The following SYN2 variants were observed in gnomAD, a reference collection of about 807,000 sequenced individuals.
The protein encoded by SYN2 is synapsin II, also known as synapsin-2.
A neutral mutation model predicts 50.9 loss-of-function variants in SYN2; 19 were observed. The observed-to-expected ratio is 0.37, with a 90% CI of 0.26 to 0.55. SYN2 has a LOEUF of 0.55. Among genes scored for constraint, SYN2 ranks in the 20% least tolerant of loss-of-function variants. SYN2 has a pLI of 0.81. For synonymous variants in SYN2, 255 were observed against 224.9 expected (o/e 1.13, Z -1.20); for missense variants, 587 against 576.4 (o/e 1.02, Z -0.19).
intron 1 of SYN2, among the ~76,000 whole-genome samples, chr3:12,137,723 T>G (rs1696925766): frequency 6.6e-6 from 1 of 152,222 alleles, no homozygotes; most frequent in Non-Finnish European, 1.5e-5. Flanking sequence ...AAAAAATTTA[T>G]GTAGCATGCC....
chr3:12,055,953 G>C (rs1193136588), intron 1 of SYN2, among the ~76,000 whole-genome samples: 1 of 152,214 alleles, frequency 6.6e-6, no homozygotes, highest in Non-Finnish European at 1.5e-5. Context: ...GTCTGATCAA[G>C]CCTCTGCGTC....
At chr3:12,184,341 C>T (rs1392023257) in intron 11 of SYN2, 2 of 985,700 alleles carry the variant, frequency 2.0e-6, no homozygotes, top group Non-Finnish European at 2.4e-6. Context: ...CTTGTGTGGA[C>T]CTGAGGCTGC....
intron 1 of SYN2, among the ~76,000 whole-genome samples, chr3:12,010,467 T>G (rs1693892518): frequency 6.6e-6 from 1 of 152,224 alleles, no homozygotes. Flanking sequence ...ATTTTAATAT[T>G]GTATGGTAAT....
At chr3:12,183,969 T>G (rs1008337807) in intron 11 of SYN2, 1 of 986,476 alleles carries the variant, frequency 1.0e-6, no homozygotes, top group African/African-American at 1.7e-5. Flanking sequence ...GATAGAACAT[T>G]AAGAGATTTT....
At chr3:12,118,080 G>T (rs1284536000) in intron 1 of SYN2, among the ~76,000 whole-genome samples, 1 of 152,216 alleles carries the variant, frequency 6.6e-6, no homozygotes, top group Non-Finnish European at 1.5e-5. Context: ...AACAGAAACA[G>T]CAGTGACCCT....
chr3:12,068,572 A>G (rs1695271666), intron 1 of SYN2, among the ~76,000 whole-genome samples: 2 of 152,074 alleles, frequency 1.3e-5, no homozygotes, highest in Admixed American at 1.3e-4. Context: ...TTCATTGTTG[A>G]TTTCCAATCC....
At chr3:12,073,265 T>C (rs1695400925) in intron 1 of SYN2, among the ~76,000 whole-genome samples, 2 of 152,220 alleles carry the variant, frequency 1.3e-5, no homozygotes, top group Middle Eastern at 3.2e-3. Context: ...TCTGGTTTCC[T>C]GTATGGATTA....
rs184358472 is a variant in SYN2 at position 12,141,922 on chromosome 3, C to T, written c.453C>T (p.Leu151=). 15 of 780,808 alleles carry T rather than the reference C, an allele frequency of 1.9e-5. No homozygotes were observed. The highest frequency in any genetic ancestry group is 1.2e-4 in the Admixed American group (7 of 59,036). The allele number at this position is 780,808 out of a possible 1,614,324, so 48.4% of individuals were successfully genotyped here. The change falls in exon 3 of 13, where the codon CTC becomes CTT. Residue 151 remains leucine, a synonymous_variant. Coordinates refer to ENST00000621198, the MANE Select transcript of SYN2 (RefSeq NM_133625.6). ...TTTTCCAGGCAGAATTTTCAGAGCT[C>T]AACCTGGTGGCCCATGCAGATGGCA... ...IKVEQAEFSE[L]NLVAHADGTY...
chr3:12,130,720 G>A (rs775228427), intron 1 of SYN2, among the ~76,000 whole-genome samples: 25 of 152,202 alleles, frequency 1.6e-4, no homozygotes, highest in Non-Finnish European at 2.2e-4. Flanking sequence ...GTGAGTGTGA[G>A]GTTGAGTTGT....
chr3:12,039,536 CAA>C (rs1694566456), intron 1 of SYN2, among the ~76,000 whole-genome samples: 1 of 127,004 alleles, frequency 7.9e-6, no homozygotes, highest in African/African-American at 3.0e-5. Context: ...GATGAGAAAA[CAA>C]AGAAGCAAAG....
At chr3:12,036,371 CAT>C (rs1694498501) in intron 1 of SYN2, among the ~76,000 whole-genome samples, 7 of 152,178 alleles carry the variant, frequency 4.6e-5, no homozygotes, top group Non-Finnish European at 7.3e-5. Flanking sequence ...AGGAGATTGC[CAT>C]GGCTCCACAT....
At chr3:12,006,985 A>C (rs1693815052) in intron 1 of SYN2, among the ~76,000 whole-genome samples, 1 of 152,202 alleles carries the variant, frequency 6.6e-6, no homozygotes, top group African/African-American at 2.4e-5. Context: ...CTGATTTCTT[A>C]TCCTATTAAA....
chr3:12,158,165 G>A lies in SYN2; in HGVS notation c.775-3381G>A, dbSNP rs148379323. 2.6e-5 allele frequency among the ~76,000 whole-genome samples: 4 copies of A among 152,316 alleles called. No individual in the cohort carries two copies. The East Asian group carries it at 7.7e-4, about 29-fold the overall frequency. ...TGAGGCGGCACCAAGGAGCCCGGGAGCCTGCAGAGAAGGGGAGAGACCTAA... is the reference window on the plus strand; with the variant it reads ...TGAGGCGGCACCAAGGAGCCCGGGAACCTGCAGAGAAGGGGAGAGACCTAA... On this transcript the variant is annotated intron_variant, in intron 5 of 12. Transcript: ENST00000621198.
Position 12,007,580 on chromosome 3 carries a change from A to G in SYN2, c.377+2652A>G, listed in dbSNP as rs554311412. On this transcript the variant is annotated intron_variant, in intron 1 of 12. Coordinates refer to ENST00000621198, the MANE Select transcript of SYN2 (RefSeq NM_133625.6). ...CTACCTAGATAGTATTCAATGAGTG[A>G]TATCGTATATGCCCTATATTATTTT... Among the ~76,000 whole-genome samples, 3 of 152,354 alleles carry G rather than the reference A, an allele frequency of 2.0e-5. No homozygotes were observed. In the South Asian group the frequency reaches 6.2e-4, roughly 32 times the overall value.
At chr3:12,154,549 A>G (rs541930398) in intron 5 of SYN2, 45 of 1,438,432 alleles carry the variant, frequency 3.1e-5, no homozygotes, top group Middle Eastern at 2.4e-4. Context: ...AGCCTCCCCA[A>G]TGACTTTGGT....
rs71044259 is a variant in SYN2 at position 12,057,287 on chromosome 3, C to CTGTCTGTCTGTGTG, written c.377+52362_377+52363insCTGTCTGTGTGTGT. 3.7e-5 allele frequency among the ~76,000 whole-genome samples: 5 copies of CTGTCTGTCTGTGTG among 134,006 alleles called. No individual in the cohort carries two copies. The East Asian group carries it at 8.6e-4, about 23-fold the overall frequency. 87.9% of individuals were successfully genotyped at this position (134,006 alleles called of 152,430 possible). A position where few individuals can be genotyped will look rare whatever the true frequency, so the allele number is the denominator to read the frequency against. ...AACCTGGGCGACAAGGCAAGACTGTCTGTGTGTGTGTGTGTGTGTGTGTGT... is the reference window on the plus strand; with the variant it reads ...AACCTGGGCGACAAGGCAAGACTGTCTGTCTGTCTGTGTGTGTGTGTGTGTGTGTGTGTGTGTGT... On this transcript the variant is annotated intron_variant, in intron 1 of 12. Coordinates refer to ENST00000621198, the MANE Select transcript of SYN2 (RefSeq NM_133625.6).
intron 5 of SYN2, chr3:12,153,306 T>C (rs1360244649): frequency 3.3e-6 from 2 of 604,918 alleles, no homozygotes; most frequent in East Asian, 2.8e-5. Context: ...GCTAGACTAA[T>C]GGGGTTTGGG....
intron 7 of SYN2, among the ~76,000 whole-genome samples, chr3:12,163,702 T>TA (rs1161943816): frequency 2.6e-5 from 4 of 152,346 alleles, no homozygotes; most frequent in Non-Finnish European, 5.9e-5. Context: ...CTTTATTGTC[T>TA]AGATTTGTAC....
intron 1 of SYN2, among the ~76,000 whole-genome samples, chr3:12,134,848 C>A (rs1411559952): frequency 1.3e-5 from 2 of 152,152 alleles, no homozygotes; most frequent in African/African-American, 4.8e-5. Context: ...TGAGTGGGAA[C>A]TTAGCAGTGA....
Sources: allele counts gnomAD v4.1 joint callset (sites outside exome capture counted in the v4.1 genomes callset), GRCh38; gene constraint gnomAD v4.1.1; transcripts MANE v1.5; gene names NCBI Gene and HGNC (gene_info 2026-07-23, HGNC 2026-07-21).